PARP16: variants seen among roughly 807,000 people sequenced by gnomAD.
PARP16 encodes protein mono-ADP-ribosyltransferase PARP16.
A neutral mutation model predicts 35.0 loss-of-function variants in PARP16; 31 were observed. The ratio of observed to expected loss-of-function variants is 0.88; its 90% CI spans 0.66 to 1.19. PARP16 has a LOEUF of 1.19. Among genes scored for constraint, PARP16 ranks in the 50% most tolerant of loss-of-function variants. The probability of loss-of-function intolerance (pLI) is 0.00; values close to 1 mark genes in which losing one functional copy is unlikely to be tolerated. For synonymous variants in PARP16, 162 were observed against 169.5 expected, an observed-to-expected ratio of 0.96 and a Z score of 0.34; for missense variants, 424 against 411.2, an observed-to-expected ratio of 1.03 and a Z score of -0.27.
intron 1 of PARP16, among the ~76,000 whole-genome samples, chr15:65,278,552 G>C (rs77215163): frequency 0.011 from 1,705 of 152,250 alleles, 15 homozygotes; most frequent in Admixed American, 0.017. Context: ...CCTCACAGAG[G>C]AAAGAGAGGA....
intron 3 of PARP16, among the ~76,000 whole-genome samples, chr15:65,241,139 CTTTTT>C (rs34888317): frequency 4.7e-5 from 6 of 127,758 alleles, no homozygotes; most frequent in African/African-American, 1.8e-4. Flanking sequence ...CCTGTCCAAA[CTTTTT>C]TTTTTTTTTT....
chr15:65,256,062 A>G (rs141631631), downstream of PARP16, among the ~76,000 whole-genome samples: 526 of 152,290 alleles, frequency 3.5e-3, 3 homozygotes, highest in African/African-American at 0.012. Context: ...TCTCAGGTAT[A>G]ACCGTGGTTT....
intron 2 of PARP16, among the ~76,000 whole-genome samples, chr15:65,252,533 AAACT>A (rs2089387684): frequency 6.6e-6 from 1 of 152,170 alleles, no homozygotes; most frequent in African/African-American, 2.4e-5. Flanking sequence ...CAGTTTGACT[AAACT>A]AACCAATGTC....
downstream of PARP16, among the ~76,000 whole-genome samples, chr15:65,231,498 A>C (rs1308739022): frequency 6.7e-5 from 10 of 149,894 alleles, no homozygotes; most frequent in Admixed American, 6.7e-4. Flanking sequence ...CACCCAGGCT[A>C]AAGTGCAGGG....
intron 3 of PARP16, among the ~76,000 whole-genome samples, chr15:65,239,572 T>C (rs2088992432): frequency 1.3e-5 from 2 of 151,412 alleles, no homozygotes; most frequent in Admixed American, 6.6e-5. Flanking sequence ...CTCCCATTCC[T>C]AGGCAATGAC....
intron 5 of PARP16, among the ~76,000 whole-genome samples, 177 bp from the exon 6 acceptor site, chr15:65,259,719 C>T (rs1481875911): frequency 1.3e-5 from 2 of 152,242 alleles, no homozygotes; most frequent in African/African-American, 4.8e-5. Context: ...TGCCCAGGCA[C>T]TGACACGCCT....
At chr15:65,273,295 G>C (rs12898916) in intron 1 of PARP16, among the ~76,000 whole-genome samples, 1 of 105,418 alleles carries the variant, frequency 9.5e-6, no homozygotes, top group African/African-American at 3.4e-5. Flanking sequence ...AAAAAAAAAA[G>C]AATACCTGTG....
chr15:65,240,651 TTGA>T (rs1057271356), intron 3 of PARP16, among the ~76,000 whole-genome samples: 4 of 152,298 alleles, frequency 2.6e-5, no homozygotes, highest in African/African-American at 9.6e-5. Context: ...ACCCATTCAC[TTGA>T]TGATGAACAT....
At position 65,239,452 on chromosome 15, in the gene PARP16, A is replaced by AAAAAAAAAG. The variant is rs34910178; in HGVS notation, c.*98-4630_*98-4629insCTTTTTTTT. 8.3e-3 allele frequency among the ~76,000 whole-genome samples: 936 copies of AAAAAAAAAG among 112,722 alleles called. 42 individuals carry two copies. The highest frequency in any genetic ancestry group is 0.014 in the Non-Finnish European group (745 of 52,122). The allele number at this position is 112,722 out of a possible 152,430, so 74.0% of individuals were successfully genotyped here. ...AAAAAAAAAAAAAAAAAAAAAAAAA[A>AAAAAAAAAG]AGAGAGAAAAGAAAAAAAAAAGAAA... On this transcript the variant is annotated intron_variant and NMD_transcript_variant, in intron 3 of 3. Coordinates refer to the PARP16 transcript ENST00000559805.
chr15:65,239,849 G>A (rs2089002137), intron 3 of PARP16, among the ~76,000 whole-genome samples: 2 of 150,042 alleles, frequency 1.3e-5, no homozygotes, highest in South Asian at 4.2e-4. Flanking sequence ...GTAGAGACAG[G>A]GTTTCACTGC....
chr15:65,237,750 G>A (rs1567007122), intron 3 of PARP16, among the ~76,000 whole-genome samples: 1 of 152,186 alleles, frequency 6.6e-6, no homozygotes, highest in Non-Finnish European at 1.5e-5. Context: ...CTCCAGAACT[G>A]TAAGAGAATA....
chr15:65,231,075 A>G (rs2088774537), downstream of PARP16, among the ~76,000 whole-genome samples: 1 of 151,828 alleles, frequency 6.6e-6, no homozygotes, highest in Non-Finnish European at 1.5e-5. Context: ...TTTTGTAGAG[A>G]TGGGGTTTCA....
At chr15:65,237,488 AC>A (rs2088916710) in intron 3 of PARP16, among the ~76,000 whole-genome samples, 1 of 152,116 alleles carries the variant, frequency 6.6e-6, no homozygotes, top group African/African-American at 2.4e-5. Flanking sequence ...ATCTGGGTGG[AC>A]CCTAAATTCT....
chr15:65,237,786 A>G (rs998459412), intron 3 of PARP16, among the ~76,000 whole-genome samples: 2 of 152,178 alleles, frequency 1.3e-5, no homozygotes, highest in Admixed American at 1.3e-4. Context: ...TAAGCTGCCC[A>G]GTCTGTGGTA....
At chr15:65,241,980 C>T (rs1242574170) in intron 3 of PARP16, among the ~76,000 whole-genome samples, 1 of 152,156 alleles carries the variant, frequency 6.6e-6, no homozygotes, top group Non-Finnish European at 1.5e-5. Context: ...CCTACGTCTT[C>T]TTCTAGAAGT....
chr15:65,267,015 G>C (rs1001142094), intron 2 of PARP16, among the ~76,000 whole-genome samples: 1 of 152,060 alleles, frequency 6.6e-6, no homozygotes, highest in Admixed American at 6.5e-5. Context: ...GCCGAGGCAG[G>C]TGGATCATTT....
At chr15:65,269,075 T>C (rs537433285) in intron 2 of PARP16, among the ~76,000 whole-genome samples, 2 of 152,228 alleles carry the variant, frequency 1.3e-5, no homozygotes, top group South Asian at 2.1e-4. Flanking sequence ...ATGGGGACTG[T>C]AGACCTGTGA....
intron 2 of PARP16, among the ~76,000 whole-genome samples, chr15:65,270,560 C>G (rs1167332530): frequency 1.3e-5 from 2 of 152,178 alleles, no homozygotes; most frequent in African/African-American, 4.8e-5. Context: ...ACATACTGAG[C>G]CCTTAGTATG....
Position 65,286,421 on chromosome 15 carries a change from C to G in PARP16, c.6G>C (p.Gln2His). ...CCCTGGCGGCCGCCCAGCCTGAGGG[C>G]TGCATCCCAGGTCACTGCGCGTTGC... M[Q>H]PSGWAAAREA... The change falls in exon 1 of 6, where the codon CAG (glutamine) becomes CAC (histidine). Residue 2 changes from glutamine to histidine, a missense_variant. Coordinates refer to ENST00000649807, the MANE Select transcript of PARP16 (RefSeq NM_001316943.2). 6.6e-7 allele frequency: 1 copy of G among 1,523,860 alleles called. No homozygotes were observed. Among genetic ancestry groups the G allele is most frequent in the Non-Finnish European group, 8.8e-7 (1 of 1,140,132 alleles). 94.4% of individuals were successfully genotyped at this position (1,523,860 alleles called of 1,614,324 possible).
Sources: allele counts gnomAD v4.1 joint callset (sites outside exome capture counted in the v4.1 genomes callset), GRCh38; gene constraint gnomAD v4.1.1; transcripts MANE v1.5; gene names NCBI Gene and HGNC (gene_info 2026-07-23, HGNC 2026-07-21).